ESRRG: variants seen among roughly 807,000 people sequenced by gnomAD.
ESRRG encodes estrogen-related receptor gamma.
In ESRRG, 13 loss-of-function variants were observed where a neutral mutation model predicts 44.0. The ratio of observed to expected loss-of-function variants is 0.30; its 90% CI spans 0.19 to 0.47. ESRRG has a LOEUF of 0.47. Among genes scored for constraint, ESRRG ranks in the 20% least tolerant of loss-of-function variants. ESRRG has a pLI of 1.00. For missense variants in ESRRG, 395 were observed against 580.6 expected (o/e 0.68, Z 3.29); for synonymous variants, 215 against 214.6 (o/e 1.00, Z -0.02).
At chr1:216,516,821 C>T (rs1351209385) in intron 6 of ESRRG, among the ~76,000 whole-genome samples, 2 of 152,064 alleles carry the variant, frequency 1.3e-5, no homozygotes, top group South Asian at 2.1e-4. Context: ...GGATCTATAA[C>T]TTTATTGCTG....
intron 1 of ESRRG, among the ~76,000 whole-genome samples, chr1:216,962,083 A>AC (rs1553739270): frequency 4.5e-4 from 68 of 151,940 alleles, no homozygotes; most frequent in African/African-American, 1.3e-3. Flanking sequence ...GCTTTCTGCT[A>AC]TTTTTTTAAC....
At chr1:216,974,183 AGTTAAAAG>A (rs1228651070) in intron 1 of ESRRG, among the ~76,000 whole-genome samples, 1 of 152,208 alleles carries the variant, frequency 6.6e-6, no homozygotes, top group Non-Finnish European at 1.5e-5. Flanking sequence ...GAAAGACTAT[AGTTAAAAG>A]TACTTTATTG....
At chr1:216,563,626 T>A (rs371525663) in intron 5 of ESRRG, among the ~76,000 whole-genome samples, 4 of 152,170 alleles carry the variant, frequency 2.6e-5, no homozygotes, top group African/African-American at 9.7e-5. Flanking sequence ...TTGTTCATAT[T>A]ACAGGATGGG....
intron 3 of ESRRG, among the ~76,000 whole-genome samples, chr1:216,596,123 T>G (rs2058397624): frequency 6.6e-6 from 1 of 152,180 alleles, no homozygotes; most frequent in Non-Finnish European, 1.5e-5. Context: ...AGGAACAACA[T>G]AAAACACGAT....
At chr1:216,556,536 A>C (rs1280054043) in intron 5 of ESRRG, among the ~76,000 whole-genome samples, 1 of 152,210 alleles carries the variant, frequency 6.6e-6, no homozygotes, top group African/African-American at 2.4e-5. Context: ...TCTTTTCAAA[A>C]TGCAGTTCAA....
chr1:216,817,333 G>A (rs1369663971), intron 2 of ESRRG, among the ~76,000 whole-genome samples: 1 of 152,094 alleles, frequency 6.6e-6, no homozygotes, highest in African/African-American at 2.4e-5. Context: ...TACCATAATA[G>A]CATTCTGAAA....
At chr1:216,867,983 T>G (rs1392029157) in intron 2 of ESRRG, among the ~76,000 whole-genome samples, 1 of 151,792 alleles carries the variant, frequency 6.6e-6, no homozygotes, top group Admixed American at 6.6e-5. Flanking sequence ...TATCTTTTTG[T>G]GAATGTCATA....
At chr1:216,618,905 G>A (rs1464993393) in intron 3 of ESRRG, among the ~76,000 whole-genome samples, 1 of 152,224 alleles carries the variant, frequency 6.6e-6, no homozygotes. Context: ...AACAGCCCAT[G>A]CCATTGACAC....
chr1:216,676,432 T>C (rs1358405655), intron 2 of ESRRG, among the ~76,000 whole-genome samples: 1 of 152,164 alleles, frequency 6.6e-6, no homozygotes, highest in Non-Finnish European at 1.5e-5. Flanking sequence ...ATTTAAAAGT[T>C]AGAAAAAGTA....
upstream of ESRRG, among the ~76,000 whole-genome samples, chr1:217,089,801 A>AG (rs2084612120): frequency 6.6e-6 from 1 of 151,948 alleles, no homozygotes; most frequent in Non-Finnish European, 1.5e-5. Context: ...CCGGGCTGCG[A>AG]GGGGCAGAGG....
chr1:217,120,828 AT>A (rs970051754), intron 1 of ESRRG, among the ~76,000 whole-genome samples: 1 of 152,028 alleles, frequency 6.6e-6, no homozygotes, highest in Admixed American at 6.5e-5. Flanking sequence ...AAATTGTACC[AT>A]TTTTTTCATC....
At chr1:216,743,654 G>A (rs1424713513) in intron 2 of ESRRG, among the ~76,000 whole-genome samples, 1 of 151,804 alleles carries the variant, frequency 6.6e-6, no homozygotes, top group African/African-American at 2.4e-5. Context: ...CTTCACTGTT[G>A]TCATCATCAT....
At chr1:216,803,347 T>G (rs1400542230) in intron 2 of ESRRG, among the ~76,000 whole-genome samples, 2 of 152,148 alleles carry the variant, frequency 1.3e-5, no homozygotes, top group Non-Finnish European at 2.9e-5. Flanking sequence ...AAACCTCCAA[T>G]TAATAGTTTC....
intron 2 of ESRRG, among the ~76,000 whole-genome samples, chr1:216,757,291 C>T (rs1465034164): frequency 6.6e-6 from 1 of 152,126 alleles, no homozygotes; most frequent in South Asian, 2.1e-4. Context: ...CAGTACTCTA[C>T]TTCTGATGGG....
intron 3 of ESRRG, among the ~76,000 whole-genome samples, chr1:216,584,414 A>T (rs937602332): frequency 2.6e-5 from 4 of 151,774 alleles, no homozygotes; most frequent in South Asian, 2.1e-4. Flanking sequence ...CCGCCACCTC[A>T]CCTGGCTAAT....
At chr1:217,070,533 A>AC (rs930358398) in intron 1 of ESRRG, among the ~76,000 whole-genome samples, 2 of 152,082 alleles carry the variant, frequency 1.3e-5, no homozygotes, top group Non-Finnish European at 1.5e-5. Context: ...GGCATGTGCC[A>AC]CCAGGTCTGG....
chr1:216,588,285 C>T (rs1245744129), intron 3 of ESRRG, among the ~76,000 whole-genome samples: 2 of 152,092 alleles, frequency 1.3e-5, no homozygotes, highest in African/African-American at 2.4e-5. Context: ...GCTATTATGT[C>T]TCTTGTTCCC....
chr1:216,569,237 G>GAAAGGAAAGGAAAGA (rs2060327950), intron 3 of ESRRG, among the ~76,000 whole-genome samples: 12 of 124,316 alleles, frequency 9.7e-5, no homozygotes, highest in South Asian at 5.3e-4. Context: ...GAAAGGAAAG[G>GAAAGGAAAGGAAAGA]AAAGGAAAGG....
At chr1:217,134,043 C>T (rs919463064) in intron 1 of ESRRG, among the ~76,000 whole-genome samples, 2 of 152,056 alleles carry the variant, frequency 1.3e-5, no homozygotes, top group Admixed American at 6.5e-5. Flanking sequence ...TTTTGGAAAG[C>T]GGTTTTGGGA....
Sources: gnomAD v4.1 joint callset for allele counts (sites outside exome capture counted in the v4.1 genomes callset) on GRCh38, gnomAD v4.1.1 for gene constraint, MANE v1.5 for transcripts, NCBI Gene and HGNC (gene_info 2026-07-23, HGNC 2026-07-21) for gene names.